The following KANSL1 variants were observed in gnomAD, a reference collection of about 807,000 sequenced individuals.
KANSL1 encodes MLL1/MLL complex subunit KANSL1.
Under a neutral mutation model 103.6 loss-of-function variants are expected in KANSL1, and 22 were observed. That is an observed-to-expected ratio of 0.21 (90% CI 0.15 to 0.30). The LOEUF (loss-of-function observed/expected upper bound fraction) is 0.30, where lower values mean the gene tolerates loss of function less well. KANSL1 is among the 10% of genes least tolerant of loss of function. KANSL1 has a pLI of 1.00. For synonymous variants in KANSL1, 600 were observed against 527.6 expected, an observed-to-expected ratio of 1.14 and a Z score of -1.88; for missense variants, 1,337 against 1,399.8, an observed-to-expected ratio of 0.96 and a Z score of 0.72.
At chr17:46,115,339 C>G (rs534630126) in intron 2 of KANSL1, among the ~76,000 whole-genome samples, 4 of 152,276 alleles carry the variant, frequency 2.6e-5, no homozygotes, top group Non-Finnish European at 5.9e-5. Flanking sequence ...GGACTACAGA[C>G]GTGAGCCACC....
rs778823729 is a variant in KANSL1, at chr17:46,031,331, A to C, written c.*145T>G. ...AAAACAAAAATTAAAACAAGAAAAA[A>C]AAATACCAAAGTAGGATCTAAATTC... On this transcript the variant is annotated 3_prime_UTR_variant, in exon 15 of 15. Transcript: ENST00000432791. 1.7e-5 allele frequency: 14 copies of C among 805,436 alleles called. No individual in the cohort carries two copies. Among genetic ancestry groups the C allele is most frequent in the Admixed American group, 2.9e-5 (1 of 34,124 alleles). 49.9% of individuals were successfully genotyped at this position (805,436 alleles called of 1,614,324 possible).
At chr17:46,124,879 C>G (rs942702645) in intron 2 of KANSL1, among the ~76,000 whole-genome samples, 1 of 151,752 alleles carries the variant, frequency 6.6e-6, no homozygotes. Flanking sequence ...TAAGTTGACT[C>G]TGACTCTCAT....
At chr17:46,034,044 C>G in intron 11 of KANSL1, 117 bp downstream of exon 11, 1 of 1,270,610 alleles carries the variant, frequency 7.9e-7, no homozygotes, top group Non-Finnish European at 1.1e-6. Context: ...ATAAGAATTT[C>G]TCTTAATGAG....
At chr17:46,149,535 A>G (rs1472071246) in intron 2 of KANSL1, among the ~76,000 whole-genome samples, 1 of 152,284 alleles carries the variant, frequency 6.6e-6, no homozygotes, top group Non-Finnish European at 1.5e-5. Context: ...GTACTAAAGC[A>G]GCCACAGACA....
At chr17:46,080,113 T>C (rs1386819350) in intron 4 of KANSL1, among the ~76,000 whole-genome samples, 1 of 152,052 alleles carries the variant, frequency 6.6e-6, no homozygotes, top group East Asian at 1.9e-4. Flanking sequence ...ATTTTTTTGT[T>C]AATTCCAGCT....
At chr17:46,121,666 AC>A (rs35674001) in intron 2 of KANSL1, among the ~76,000 whole-genome samples, 4 of 144,998 alleles carry the variant, frequency 2.8e-5, no homozygotes, top group Middle Eastern at 3.2e-3. Context: ...TATTTTATTG[AC>A]CCCCCCACCC....
chr17:46,060,866 G>A (rs781330832), intron 6 of KANSL1, among the ~76,000 whole-genome samples: 39 of 152,292 alleles, frequency 2.6e-4, no homozygotes, highest in Non-Finnish European at 1.8e-4. Context: ...ATGGGAAGAA[G>A]AGGAGGACTA....
chr17:46,099,323 C>CAAA lies in KANSL1; in HGVS notation c.1290-4625_1290-4623dup, dbSNP rs5820610. Among the ~76,000 whole-genome samples, 12 of 61,080 alleles carry CAAA rather than the reference C, an allele frequency of 2.0e-4. No homozygotes were observed. The East Asian group carries it at 3.5e-3, about 18-fold the overall frequency. The allele number at this position is 61,080 out of a possible 152,430, so 40.1% of individuals were successfully genotyped here. A position where few individuals can be genotyped will look rare whatever the true frequency, so the allele number is the denominator to read the frequency against. On this transcript the variant is annotated intron_variant, in intron 2 of 14. Transcript: ENST00000432791. ...TGGGCCACAGAGCGAGACTCCGTCTCAAAAAAAAAAAAAACAAAACAAAAA... is the reference window on the plus strand; with the variant it reads ...TGGGCCACAGAGCGAGACTCCGTCTCAAAAAAAAAAAAAAAAACAAAACAAAAA...
At chr17:46,217,614 C>T (rs1440071107) in intron 1 of KANSL1, among the ~76,000 whole-genome samples, 11 of 150,714 alleles carry the variant, frequency 7.3e-5, no homozygotes, top group East Asian at 6.1e-4. Flanking sequence ...GGAGGCTGGG[C>T]GCCGTGGCTC....
At chr17:46,119,140 T>C (rs2043169209) in intron 2 of KANSL1, among the ~76,000 whole-genome samples, 1 of 152,220 alleles carries the variant, frequency 6.6e-6, no homozygotes, top group Non-Finnish European at 1.5e-5. Context: ...CAACATTACA[T>C]GACTTTTCAT....
chr17:46,165,523 T>TTA (rs1204200810), intron 2 of KANSL1, among the ~76,000 whole-genome samples: 10 of 149,898 alleles, frequency 6.7e-5, no homozygotes, highest in Admixed American at 5.3e-4. Context: ...TTTTTATTTT[T>TTA]TTTTTGAGAC....
At chr17:46,073,110 C>T (rs928053287) in intron 4 of KANSL1, among the ~76,000 whole-genome samples, 1 of 152,192 alleles carries the variant, frequency 6.6e-6, no homozygotes, top group African/African-American at 2.4e-5. Context: ...CTCACTGTCC[C>T]TAGAGACTGC....
At chr17:46,048,325 A>T (rs1041116640) in intron 7 of KANSL1, among the ~76,000 whole-genome samples, 15 of 151,210 alleles carry the variant, frequency 9.9e-5, no homozygotes, top group African/African-American at 3.6e-4. Context: ...CCAGCACTTT[A>T]GGGAGGCCGA....
intron 2 of KANSL1, among the ~76,000 whole-genome samples, chr17:46,114,315 C>T (rs560183816): frequency 2.0e-5 from 3 of 152,076 alleles, no homozygotes; most frequent in Non-Finnish European, 4.4e-5. Context: ...GCCAAGATCG[C>T]GCCATTGCAC....
intron 2 of KANSL1, among the ~76,000 whole-genome samples, chr17:46,117,164 C>G (rs1034763426): frequency 6.6e-6 from 1 of 152,302 alleles, no homozygotes; most frequent in South Asian, 2.1e-4. Flanking sequence ...AGATGACTTT[C>G]CAGGACAGGT....
chr17:46,203,826 A>G (rs1309654576), intron 1 of KANSL1, among the ~76,000 whole-genome samples: 1 of 152,250 alleles, frequency 6.6e-6, no homozygotes, highest in Non-Finnish European at 1.5e-5. Context: ...GGCAGTAAGG[A>G]TCTAAAGTTC....
At position 46,082,330 on chromosome 17, in the gene KANSL1, A is replaced by C. The variant is rs2079015894; in HGVS notation, c.1533+111T>G. The C allele has an allele frequency of 7.9e-6, 5 of 634,248 alleles. No individual in the cohort carries two copies. In the South Asian group the frequency reaches 1.0e-4, roughly 13 times the overall value. The allele number at this position is 634,248 out of a possible 1,614,324, so 39.3% of individuals were successfully genotyped here. ...CACCAAAAGTGATAAAAGTAGATAC[A>C]GTTCCCCTTCTTCAGCCAATGCAAG... On this transcript the variant is annotated intron_variant, in intron 4 of 14. Transcript: ENST00000432791.
chr17:46,169,861 T>C (rs1343865138), intron 2 of KANSL1, among the ~76,000 whole-genome samples: 1 of 152,132 alleles, frequency 6.6e-6, no homozygotes, highest in Non-Finnish European at 1.5e-5. Flanking sequence ...TTATGTAAAA[T>C]TTTCTCAAAC....
intron 1 of KANSL1, among the ~76,000 whole-genome samples, chr17:46,184,837 CTTTT>C (rs66507225): frequency 2.3e-5 from 3 of 128,288 alleles, no homozygotes; most frequent in African/African-American, 6.2e-5. Context: ...AGAGTATGTA[CTTTT>C]TTTTTTTTTT....
Sources: allele counts gnomAD v4.1 joint callset (sites outside exome capture counted in the v4.1 genomes callset), GRCh38; gene constraint gnomAD v4.1.1; transcripts MANE v1.5; gene names NCBI Gene and HGNC (gene_info 2026-07-23, HGNC 2026-07-21).